The following RRAS2 variants were observed in gnomAD, a reference collection of about 807,000 sequenced individuals.
The protein encoded by RRAS2 is RAS related 2.
A neutral mutation model predicts 27.6 loss-of-function variants in RRAS2; 7 were observed. The observed-to-expected ratio is 0.25, with a 90% CI of 0.14 to 0.48. The LOEUF (loss-of-function observed/expected upper bound fraction) is 0.48, where lower values mean the gene tolerates loss of function less well. Ranked by LOEUF, RRAS2 falls within the 20% of genes least tolerant of loss-of-function variation. RRAS2 has a pLI of 0.99. For missense variants in RRAS2, 178 were observed against 256.2 expected, an observed-to-expected ratio of 0.69 and a Z score of 2.08; for synonymous variants, 86 against 90.9, an observed-to-expected ratio of 0.95 and a Z score of 0.31.
chr11:14,280,112 G>C (rs1371463867), intron 5 of RRAS2, among the ~76,000 whole-genome samples: 1 of 152,052 alleles, frequency 6.6e-6, no homozygotes, highest in East Asian at 1.9e-4. Context: ...CACTAAAATG[G>C]AACTGGAATG....
chr11:14,360,473 C>A (rs766296899), upstream of RRAS2, among the ~76,000 whole-genome samples: 36 of 152,100 alleles, frequency 2.4e-4, no homozygotes, highest in Non-Finnish European at 4.6e-4. Flanking sequence ...CAATCATGGC[C>A]CACTGCAACC....
chr11:14,328,947 A>G (rs1398310649), intron 1 of RRAS2, among the ~76,000 whole-genome samples: 1 of 151,364 alleles, frequency 6.6e-6, no homozygotes, highest in Non-Finnish European at 1.5e-5. Flanking sequence ...TACAAGTGTG[A>G]GCAACTATGC....
At chr11:14,319,691 G>C (rs782434795) in intron 1 of RRAS2, among the ~76,000 whole-genome samples, 2 of 152,098 alleles carry the variant, frequency 1.3e-5, no homozygotes, top group African/African-American at 2.4e-5. Context: ...ACAGATAACT[G>C]CAAGTTTACC....
chr11:14,356,941 C>T (rs1480324831), intron 1 of RRAS2, among the ~76,000 whole-genome samples: 2 of 151,914 alleles, frequency 1.3e-5, no homozygotes, highest in Admixed American at 1.3e-4. Flanking sequence ...GCGCGCGCCA[C>T]CATGCCCGGC....
At chr11:14,299,399 A>AG (rs1272062591) in intron 1 of RRAS2, among the ~76,000 whole-genome samples, 2 of 152,224 alleles carry the variant, frequency 1.3e-5, no homozygotes, top group African/African-American at 2.4e-5. Context: ...AAAACCCATC[A>AG]GGCTGTACAC....
intron 1 of RRAS2, among the ~76,000 whole-genome samples, chr11:14,328,603 T>TA (rs1306827328): frequency 2.7e-5 from 4 of 150,766 alleles, no homozygotes; most frequent in African/African-American, 7.3e-5. Context: ...TGTAAAGTAG[T>TA]AAAAAATATA....
intron 4 of RRAS2, among the ~76,000 whole-genome samples, chr11:14,284,160 A>G (rs1554944739): frequency 6.6e-6 from 1 of 152,166 alleles, no homozygotes; most frequent in African/African-American, 2.4e-5. Context: ...TTCTAATACA[A>G]ATATTTAGTG....
intron 1 of RRAS2, among the ~76,000 whole-genome samples, chr11:14,335,712 T>C (rs1252304431): frequency 2.6e-5 from 4 of 152,206 alleles, no homozygotes; most frequent in African/African-American, 9.7e-5. Context: ...GGAAGGCATA[T>C]AGACCAACAC....
chr11:14,330,547 A>G (rs1177121845), intron 1 of RRAS2, among the ~76,000 whole-genome samples: 1 of 152,144 alleles, frequency 6.6e-6, no homozygotes, highest in East Asian at 1.9e-4. Context: ...GGTTGGGGGA[A>G]CACCATACTC....
intron 1 of RRAS2, among the ~76,000 whole-genome samples, chr11:14,314,431 A>G (rs1848047008): frequency 1.3e-5 from 2 of 152,178 alleles, no homozygotes; most frequent in Admixed American, 1.3e-4. Context: ...TAGAAATAAT[A>G]TATGCAGAAA....
intron 1 of RRAS2, among the ~76,000 whole-genome samples, chr11:14,315,986 C>A (rs982202266): frequency 3.3e-5 from 5 of 152,072 alleles, no homozygotes; most frequent in South Asian, 2.1e-4. Context: ...AGTCTCAAAA[C>A]CACAGAGCTA....
At chr11:14,359,735 A>T (rs1163280662), upstream of RRAS2, among the ~76,000 whole-genome samples, 1 of 152,172 alleles carries the variant, frequency 6.6e-6, no homozygotes, top group Non-Finnish European at 1.5e-5. Flanking sequence ...CATAGTGGCT[A>T]TGTTTATGTG....
intron 1 of RRAS2, among the ~76,000 whole-genome samples, chr11:14,353,346 C>A (rs77024969): frequency 0.027 from 4,102 of 152,146 alleles, 74 homozygotes; most frequent in East Asian, 0.045. Context: ...AGGCATGGTG[C>A]AGGCCCAGGC....
At chr11:14,311,121 G>C (rs1847953444) in intron 1 of RRAS2, among the ~76,000 whole-genome samples, 2 of 152,196 alleles carry the variant, frequency 1.3e-5, no homozygotes, top group Non-Finnish European at 2.9e-5. Flanking sequence ...GTCAAGGTGA[G>C]AGGATCGCTT....
upstream of RRAS2, among the ~76,000 whole-genome samples, chr11:14,362,384 G>A (rs968113838): frequency 6.7e-6 from 1 of 149,374 alleles, no homozygotes; most frequent in African/African-American, 2.6e-5. Context: ...TTCAGCAAAT[G>A]AGAAGTCCAT....
intron 1 of RRAS2, among the ~76,000 whole-genome samples, chr11:14,319,451 C>G (rs183267500): frequency 1.3e-5 from 2 of 150,096 alleles, no homozygotes; most frequent in Non-Finnish European, 3.0e-5. Flanking sequence ...CTCCACTTCC[C>G]GGGTTCACGC....
Position 14,343,970 on chromosome 11 carries a change from C to T in RRAS2, c.108+14793G>A, listed in dbSNP as rs576232308. 3.3e-4 allele frequency among the ~76,000 whole-genome samples: 50 copies of T among 151,262 alleles called. 1 individual carries two copies. In the Middle Eastern group the frequency reaches 0.011, roughly 32 times the overall value. On this transcript the variant is annotated intron_variant, in intron 1 of 5. Transcript: ENST00000256196. ...AGCCTGGGCAACAAGGCGAAACCCC[C>T]ATCTTTACAAAAAAATACAAAAATC...
intron 4 of RRAS2, among the ~76,000 whole-genome samples, chr11:14,286,513 T>C (rs907135741): frequency 5.3e-5 from 8 of 152,234 alleles, no homozygotes; most frequent in Non-Finnish European, 1.0e-4. Context: ...TCTACTTTGA[T>C]TGATTAGAAT....
chr11:14,279,554 TTC>T lies in RRAS2; in HGVS notation c.528-132_528-131del, dbSNP rs1447708298. ...CAGTGTTAAACTTCAACGAGGGAAT[TTC>T]TCTCTTTCCTACCCCCACCAAAAAA... On this transcript the variant is annotated intron_variant, in intron 5 of 5. Transcript: ENST00000256196. 1.2e-4 allele frequency: 85 copies of T among 706,632 alleles called. 1 individual carries two copies. The highest frequency in any genetic ancestry group is 1.1e-3 in the South Asian group (61 of 56,478). 43.8% of individuals were successfully genotyped at this position (706,632 alleles called of 1,614,324 possible).
Sources: gnomAD v4.1 joint callset for allele counts (sites outside exome capture counted in the v4.1 genomes callset) on GRCh38, gnomAD v4.1.1 for gene constraint, MANE v1.5 for transcripts, NCBI Gene and HGNC (gene_info 2026-07-23, HGNC 2026-07-21) for gene names.